Variants in PTPRD observed in about 807,000 individuals in gnomAD.
PTPRD encodes receptor-type tyrosine-protein phosphatase delta.
In PTPRD, 34 loss-of-function variants were observed where a neutral mutation model predicts 214.5. The ratio of observed to expected loss-of-function variants is 0.16; its 90% CI spans 0.12 to 0.21. The LOEUF is 0.21. Among genes scored for constraint, PTPRD ranks in the 10% least tolerant of loss-of-function variants. The pLI is 1.00. For missense variants in PTPRD, 2,545 were observed against 2,398.7 expected (o/e 1.06, Z -1.27); for synonymous variants, 1,128 against 845.7 (o/e 1.33, Z -5.79).
chr9:8,527,300 T>C, intron 16 of PTPRD, 45 bp downstream of exon 16: 5 of 1,580,608 alleles, frequency 3.2e-6, no homozygotes, highest in Admixed American at 1.7e-5. Context: ...ATTCTGGATA[T>C]GGAAATTAGT....
intron 3 of PTPRD, among the ~76,000 whole-genome samples, chr9:10,040,346 G>A (rs291278): frequency 0.043 from 6,515 of 152,014 alleles, 506 homozygotes; most frequent in African/African-American, 0.15. Context: ...TTCAACAATC[G>A]GTCGAAACAT....
At chr9:9,779,432 G>A (rs1363948877) in intron 5 of PTPRD, among the ~76,000 whole-genome samples, 1 of 152,080 alleles carries the variant, frequency 6.6e-6, no homozygotes, top group African/African-American at 2.4e-5. Context: ...CAGAATGGGA[G>A]GAAATATTCA....
rs1239968333 is a variant in PTPRD at position 8,353,876 on chromosome 9, ATATATGTG to A, written c.4662-11906_4662-11899del. Among the ~76,000 whole-genome samples the A allele has an allele frequency of 2.2e-5, 3 of 139,366 alleles. 1 individual carries two copies. The highest frequency in any genetic ancestry group is 4.6e-5 in the Non-Finnish European group (3 of 65,694). 91.4% of individuals were successfully genotyped at this position (139,366 alleles called of 152,430 possible). A position where few individuals can be genotyped will look rare whatever the true frequency, so the allele number is the denominator to read the frequency against. ...TATATGTGTATATATGTATATATGT[ATATATGTG>A]TATATATGTATATATGTATATATGT... On this transcript the variant is annotated intron_variant, in intron 39 of 45. Transcript: ENST00000381196.
chr9:9,369,255 T>G (rs1040541683), intron 9 of PTPRD, among the ~76,000 whole-genome samples: 1 of 152,096 alleles, frequency 6.6e-6, no homozygotes, highest in Non-Finnish European at 1.5e-5. Flanking sequence ...TTTCTCCACA[T>G]CCTCTCCAGC....
rs185106453 is a variant in PTPRD at position 9,355,745 on chromosome 9, C to G, written c.-203+41704G>C. Among the ~76,000 whole-genome samples the G allele has an allele frequency of 4.1e-4, 62 of 151,410 alleles. 1 individual carries two copies. Among genetic ancestry groups the G allele is most frequent in the Admixed American group, 3.7e-3 (56 of 15,122 alleles). On this transcript the variant is annotated intron_variant, in intron 9 of 45. Coordinates refer to ENST00000381196, the MANE Select transcript of PTPRD (RefSeq NM_002839.4). ...AAAGCCATGGGATTGAGTAAAAACA[C>G]AAGGGAGAGAATCAAGGTATAAAAT... is the stretch of plus-strand genomic sequence containing the variant.
chr9:10,176,022 G>T (rs973888027), intron 3 of PTPRD, among the ~76,000 whole-genome samples: 1 of 151,906 alleles, frequency 6.6e-6, no homozygotes, highest in Non-Finnish European at 1.5e-5. Context: ...CCTTTGAAAT[G>T]CAATGTATTG....
chr9:9,081,067 C>T (rs201352934), intron 10 of PTPRD, among the ~76,000 whole-genome samples: 1 of 151,724 alleles, frequency 6.6e-6, no homozygotes, highest in African/African-American at 2.4e-5. Context: ...TGCTTCTCTA[C>T]TTCTTTTAAT....
chr9:9,214,548 A>C (rs1253623968), intron 9 of PTPRD, among the ~76,000 whole-genome samples: 3 of 151,574 alleles, frequency 2.0e-5, no homozygotes, highest in Non-Finnish European at 4.4e-5. Flanking sequence ...GATCAAACTT[A>C]TTAGAGCTTC....
chr9:9,061,349 A>G (rs924250208), intron 10 of PTPRD, among the ~76,000 whole-genome samples: 9 of 152,202 alleles, frequency 5.9e-5, no homozygotes, highest in African/African-American at 2.2e-4. Flanking sequence ...TTCTGTTTCA[A>G]TGACTAACCT....
At chr9:8,948,469 A>ATATTTATATATATT (rs1491217928) in intron 11 of PTPRD, among the ~76,000 whole-genome samples, 1 of 7,044 alleles carries the variant, frequency 1.4e-4, no homozygotes, top group African/African-American at 3.8e-4. Flanking sequence ...ATATATTTAC[A>ATATTTATATATATT]TATATATATA....
intron 11 of PTPRD, among the ~76,000 whole-genome samples, chr9:8,809,237 G>C (rs1220272523): frequency 6.6e-6 from 1 of 152,098 alleles, no homozygotes. Context: ...TGTATATTCA[G>C]AGACTGAAAC....
intron 2 of PTPRD, among the ~76,000 whole-genome samples, chr9:10,493,278 C>T (rs1430410378): frequency 6.6e-6 from 1 of 152,066 alleles, no homozygotes; most frequent in East Asian, 1.9e-4. Context: ...AAAAAAAGAA[C>T]CTGTATAGCC....
chr9:9,771,086 A>T (rs937544142), intron 5 of PTPRD, among the ~76,000 whole-genome samples: 4 of 152,196 alleles, frequency 2.6e-5, no homozygotes, highest in Non-Finnish European at 5.9e-5. Flanking sequence ...AACAAATTAA[A>T]TGATCATCAC....
At chr9:10,429,259 T>C (rs1207491089) in intron 2 of PTPRD, among the ~76,000 whole-genome samples, 1 of 151,838 alleles carries the variant, frequency 6.6e-6, no homozygotes. Flanking sequence ...ACAGCCACTA[T>C]GGAAAAAAAG....
intron 12 of PTPRD, among the ~76,000 whole-genome samples, chr9:8,699,426 G>A (rs935840968): frequency 2.6e-5 from 4 of 152,078 alleles, no homozygotes; most frequent in East Asian, 1.9e-4. Context: ...AAGCATTTGA[G>A]GACATTTTTC....
intron 7 of PTPRD, among the ~76,000 whole-genome samples, chr9:9,668,146 G>A (rs780672794): frequency 1.3e-5 from 2 of 152,002 alleles, no homozygotes; most frequent in Non-Finnish European, 2.9e-5. Context: ...GAAGCCACCA[G>A]GTCTCACTCA....
intron 3 of PTPRD, among the ~76,000 whole-genome samples, chr9:10,147,824 G>C (rs2099034102): frequency 6.6e-6 from 1 of 152,178 alleles, no homozygotes; most frequent in South Asian, 2.1e-4. Flanking sequence ...AGGTTGCAGT[G>C]AGTCAAGATC....
intron 2 of PTPRD, among the ~76,000 whole-genome samples, chr9:10,451,434 T>C (rs1000920401): frequency 1.3e-5 from 2 of 151,810 alleles, no homozygotes; most frequent in African/African-American, 4.9e-5. Flanking sequence ...AATACTCAAA[T>C]GCAGTTGAGT....
At chr9:10,338,233 A>G (rs1044726270) in intron 3 of PTPRD, among the ~76,000 whole-genome samples, 1 of 151,652 alleles carries the variant, frequency 6.6e-6, no homozygotes, top group Non-Finnish European at 1.5e-5. Context: ...ACCAGGAGTC[A>G]TGTATAGTAA....
Sources: gnomAD v4.1 joint callset for allele counts (sites outside exome capture counted in the v4.1 genomes callset) on GRCh38, gnomAD v4.1.1 for gene constraint, MANE v1.5 for transcripts, NCBI Gene and HGNC (gene_info 2026-07-23, HGNC 2026-07-21) for gene names.